The following FSTL4 variants were observed in gnomAD, a reference collection of about 807,000 sequenced individuals.
The protein encoded by FSTL4 is follistatin like 4, also known as follistatin-related protein 4.
FSTL4 carries 28 observed loss-of-function variants against 78.2 expected under a neutral mutation model. The ratio of observed to expected loss-of-function variants is 0.36; its 90% CI spans 0.27 to 0.49. The LOEUF (loss-of-function observed/expected upper bound fraction) is 0.49, where lower values mean the gene tolerates loss of function less well. Among genes scored for constraint, FSTL4 ranks in the 20% least tolerant of loss-of-function variants. The pLI is 0.98. For synonymous variants in FSTL4, 422 were observed against 440.5 expected (o/e 0.96, Z 0.53); for missense variants, 922 against 1,084.9 (o/e 0.85, Z 2.11).
the FSTL4 span, among the ~76,000 whole-genome samples, chr5:133,804,202 T>C: frequency 6.6e-6 from 1 of 152,164 alleles, no homozygotes; most frequent in African/African-American, 2.4e-5. Flanking sequence ...ACCTTGGCCT[T>C]ATCCTGGATA....
chr5:133,236,986 C>T lies in FSTL4; in HGVS notation c.895-3449G>A, dbSNP rs114016182. On this transcript the variant is annotated intron_variant, in intron 7 of 15. Transcript: ENST00000265342. The surrounding 1 kb of genome is among the most constrained non-coding windows in gnomAD (Gnocchi z 5.0). ...GTGTGCCTGTCACAGTCCTGGTGCA[C>T]AGTGGGCCCTCAAAAAATAGCTGTC... Among the ~76,000 whole-genome samples, 705 of 152,290 alleles carry T rather than the reference C, an allele frequency of 4.6e-3. 6 individuals carry two copies. The highest frequency in any genetic ancestry group is 0.016 in the African/African-American group (684 of 41,550).
At chr5:133,618,901 A>G in the FSTL4 span, among the ~76,000 whole-genome samples, 1 of 152,242 alleles carries the variant, frequency 6.6e-6, no homozygotes, top group African/African-American at 2.4e-5. Flanking sequence ...ATATTTAATT[A>G]GTTGTCCTCA....
intron 5 of FSTL4, among the ~76,000 whole-genome samples, chr5:133,313,858 G>T: frequency 6.6e-6 from 1 of 152,108 alleles, no homozygotes; most frequent in Non-Finnish European, 1.5e-5. Flanking sequence ...CTTTTTATAG[G>T]ACTGACAAGT....
intron 13 of FSTL4, among the ~76,000 whole-genome samples, chr5:133,212,677 A>G (rs139566614): frequency 2.1e-4 from 32 of 152,314 alleles, no homozygotes; most frequent in Middle Eastern, 3.4e-3. Flanking sequence ...AGAAGAGGTG[A>G]GAGAGAACGA....
the FSTL4 span, among the ~76,000 whole-genome samples, chr5:133,650,190 T>C: frequency 1.4e-5 from 2 of 146,978 alleles, no homozygotes; most frequent in Non-Finnish European, 3.0e-5. Context: ...ATTAATCTAT[T>C]CATGAAGGAT....
intron 4 of FSTL4, among the ~76,000 whole-genome samples, chr5:133,351,540 T>G (rs1754824179): frequency 6.6e-6 from 1 of 152,194 alleles, no homozygotes. Flanking sequence ...CTATGCTATA[T>G]TCTAGGCTAT....
intron 4 of FSTL4, among the ~76,000 whole-genome samples, chr5:133,397,863 T>G (rs1756109492): frequency 6.6e-6 from 1 of 152,228 alleles, no homozygotes; most frequent in South Asian, 2.1e-4. Context: ...GATGGATGAT[T>G]TTAGAATTTT....
chr5:133,419,533 A>G (rs929841260), intron 3 of FSTL4, among the ~76,000 whole-genome samples: 15 of 152,244 alleles, frequency 9.9e-5, no homozygotes, highest in African/African-American at 3.1e-4. Context: ...ACAATTTCGA[A>G]TAAGGCTGCT....
At chr5:133,525,814 C>T (rs776443137) in intron 3 of FSTL4, among the ~76,000 whole-genome samples, 25 of 152,170 alleles carry the variant, frequency 1.6e-4, no homozygotes, top group Admixed American at 2.6e-4. Flanking sequence ...GTGCAGGACT[C>T]GGACCAGAAT....
chr5:133,494,133 T>C (rs1242264637), intron 3 of FSTL4, among the ~76,000 whole-genome samples: 4 of 152,226 alleles, frequency 2.6e-5, no homozygotes, highest in African/African-American at 9.6e-5. Context: ...TTATCCATTT[T>C]ACAGTTATGG....
chr5:133,407,435 C>T (rs569073059), intron 3 of FSTL4, among the ~76,000 whole-genome samples: 3 of 152,364 alleles, frequency 2.0e-5, no homozygotes, highest in African/African-American at 7.2e-5. Context: ...GGTGCTTGTG[C>T]ACTTGATGAA....
At chr5:133,589,658 G>T (rs1266492467) in intron 2 of FSTL4, among the ~76,000 whole-genome samples, 1 of 152,130 alleles carries the variant, frequency 6.6e-6, no homozygotes, top group Non-Finnish European at 1.5e-5. Context: ...CCCAGCCCCA[G>T]AAGACCACCT....
chr5:133,745,461 A>G, the FSTL4 span, among the ~76,000 whole-genome samples: 6 of 152,364 alleles, frequency 3.9e-5, no homozygotes, highest in East Asian at 1.2e-3. Context: ...TGTAAAATTT[A>G]TAAATCCACA....
intron 6 of FSTL4, among the ~76,000 whole-genome samples, chr5:133,264,914 G>A (rs1462396994): frequency 4.6e-5 from 7 of 152,182 alleles, no homozygotes; most frequent in Non-Finnish European, 7.3e-5. Context: ...ACAGGCAGAG[G>A]CTGCCAGCTG....
At chr5:133,423,371 A>G (rs1228558635) in intron 3 of FSTL4, among the ~76,000 whole-genome samples, 1 of 152,172 alleles carries the variant, frequency 6.6e-6, no homozygotes, top group Non-Finnish European at 1.5e-5. Flanking sequence ...GAGAAGGCCC[A>G]TCCTCCCTCT....
intron 3 of FSTL4, among the ~76,000 whole-genome samples, chr5:133,445,285 G>C (rs145254911): frequency 8.8e-4 from 134 of 152,202 alleles, no homozygotes; most frequent in Non-Finnish European, 1.3e-3. Flanking sequence ...GTGAGGGACT[G>C]GCCTGGCTGC....
chr5:133,834,329 A>G, the FSTL4 span, among the ~76,000 whole-genome samples: 1 of 152,194 alleles, frequency 6.6e-6, no homozygotes, highest in South Asian at 2.1e-4. Flanking sequence ...AAAAATGGAT[A>G]AGCACAAGAC....
At chr5:133,549,444 G>C (rs1759649868) in intron 3 of FSTL4, among the ~76,000 whole-genome samples, 1 of 151,926 alleles carries the variant, frequency 6.6e-6, no homozygotes, top group Non-Finnish European at 1.5e-5. Flanking sequence ...AGTTTCTATA[G>C]GTTTATTCTT....
chr5:133,735,705 C>A, the FSTL4 span, among the ~76,000 whole-genome samples: 1 of 152,094 alleles, frequency 6.6e-6, no homozygotes, highest in Non-Finnish European at 1.5e-5. Context: ...TTCTCACAAG[C>A]AATGCGAGGC....
Sources: allele counts gnomAD v4.1 joint callset (sites outside exome capture counted in the v4.1 genomes callset), GRCh38; gene constraint gnomAD v4.1.1; non-coding constraint Gnocchi (gnomAD v3.1); transcripts MANE v1.5; gene names NCBI Gene and HGNC (gene_info 2026-07-23, HGNC 2026-07-21).